Variants in THTPA observed in about 807,000 individuals in gnomAD.
THTPA encodes thiamine-triphosphatase.
A neutral mutation model predicts 16.5 loss-of-function variants in THTPA; 16 were observed. The ratio of observed to expected loss-of-function variants is 0.97; its 90% CI spans 0.66 to 1.47. The LOEUF (loss-of-function observed/expected upper bound fraction) is 1.47. Ranked by LOEUF, THTPA falls within the 40% of genes most tolerant of loss-of-function variation. THTPA has a pLI of 0.00. For synonymous variants in THTPA, 110 were observed against 115.5 expected (o/e 0.95, Z 0.30); for missense variants, 281 against 280.9 (o/e 1.00, Z 0.00).
chr14:23,533,556 A>G, the THTPA span: 7 of 1,536,286 alleles, frequency 4.6e-6, no homozygotes, highest in African/African-American at 2.7e-5. This position sits in a 1 kb window ranked among gnomAD's most constrained non-coding sequence, Gnocchi z 4.8. Flanking sequence ...TGTGCTTCTC[A>G]GAGGTCATAT....
chr14:23,534,943 A>G, the THTPA span: 1 of 1,536,176 alleles, frequency 6.5e-7, no homozygotes, highest in Non-Finnish European at 8.7e-7. The surrounding 1 kb of genome is among the most constrained non-coding windows in gnomAD (Gnocchi z 4.5). Context: ...TGGCAGGGAC[A>G]GCTTGGCCAC....
chr14:23,525,681 C>G, the THTPA span: 1 of 1,532,190 alleles, frequency 6.5e-7, no homozygotes, highest in Admixed American at 2.0e-5. The surrounding 1 kb of genome is among the most constrained non-coding windows in gnomAD (Gnocchi z 5.9). Flanking sequence ...GGCCCTGCCT[C>G]ATTACCCTCT....
At chr14:23,522,238 C>T in the THTPA span, 1 of 1,479,444 alleles carries the variant, frequency 6.8e-7, no homozygotes, top group East Asian at 2.5e-5. Flanking sequence ...GCATGGAGCC[C>T]CCAGAGCCCC....
chr14:23,516,869 G>A, the THTPA span, among the ~76,000 whole-genome samples: 2 of 152,220 alleles, frequency 1.3e-5, no homozygotes, highest in African/African-American at 4.8e-5. Flanking sequence ...TGGTATCAGG[G>A]AGGACTTGTA....
the THTPA span, among the ~76,000 whole-genome samples, chr14:23,549,410 G>T: frequency 6.6e-6 from 1 of 152,072 alleles, no homozygotes; most frequent in South Asian, 2.1e-4. Flanking sequence ...CCTGAGGTTT[G>T]GAAAAACAAT....
chr14:23,533,360 T>C, the THTPA span: 1 of 1,444,428 alleles, frequency 6.9e-7, no homozygotes, highest in Non-Finnish European at 9.1e-7. The surrounding 1 kb of genome is among the most constrained non-coding windows in gnomAD (Gnocchi z 4.8). Flanking sequence ...TCCAGGGGCT[T>C]GTCTGGCCTC....
chr14:23,537,129 G>A, the THTPA span, among the ~76,000 whole-genome samples: 288 of 152,176 alleles, frequency 1.9e-3, no homozygotes, highest in African/African-American at 6.6e-3. Flanking sequence ...ACTTCAGCCT[G>A]GGCAACAAGA....
chr14:23,556,441 AG>A lies in THTPA; in HGVS notation c.-311del. ...CCTCCTGGGGTGGCAAGGTGTAGAG[AG>A]GGGGGCGTTGAAAGGACACCCGCTA... On this transcript the variant is annotated 5_prime_UTR_variant, in exon 1 of 2. Transcript: ENST00000288014. 1 of 310,514 alleles carries A rather than the reference AG, an allele frequency of 3.2e-6. No individual in the cohort carries two copies. The highest frequency in any genetic ancestry group is 6.0e-6 in the Non-Finnish European group (1 of 167,902). 19.2% of individuals were successfully genotyped at this position (310,514 alleles called of 1,614,324 possible). A position where few individuals can be genotyped will look rare whatever the true frequency, so the allele number is the denominator to read the frequency against.
the THTPA span, among the ~76,000 whole-genome samples, chr14:23,516,303 G>A: frequency 6.6e-6 from 1 of 152,218 alleles, no homozygotes; most frequent in African/African-American, 2.4e-5. Flanking sequence ...GGTTTCCCTT[G>A]CCTTTTGCAT....
chr14:23,558,599 G>A (rs1882850042), intron 1 of THTPA, 96 bp from the exon 2 acceptor site: 1 of 1,516,082 alleles, frequency 6.6e-7, no homozygotes, highest in Non-Finnish European at 9.0e-7. Context: ...TGTGGCTTTG[G>A]AAACATCCAC....
the THTPA span, chr14:23,532,396 C>G: frequency 1.2e-5 from 9 of 777,058 alleles, no homozygotes; most frequent in Non-Finnish European, 1.7e-5. Flanking sequence ...TGGTCTCTTT[C>G]TCCATGTCTG....
the THTPA span, among the ~76,000 whole-genome samples, chr14:23,527,967 C>T: frequency 6.9e-6 from 1 of 144,348 alleles, no homozygotes; most frequent in African/African-American, 2.6e-5. Flanking sequence ...AGTGCAGTGA[C>T]GTGATCTCGG....
chr14:23,544,283 G>GAAAAAAA, the THTPA span: 12 of 71,378 alleles, frequency 1.7e-4, no homozygotes, highest in Admixed American at 1.7e-4. Context: ...ACAGAAAACA[G>GAAAAAAA]AAAAAAAAAA....
chr14:23,556,979 A>T lies in THTPA; in HGVS notation c.222A>T (p.Gly74=), dbSNP rs1383956025. The change falls in exon 1 of 2, where the codon GGA becomes GGT. Residue 74 remains glycine, a synonymous_variant. Transcript: ENST00000288014. ...LKCPGAAGVL[G]PHTEYKELTA... is the part of the protein sequence containing the mutation. ...GTCCTGGAGCAGCAGGTGTCTTAGG[A>T]CCCCACACGGAGTATAAGGAACTCA... 2 of 1,613,842 alleles carry T rather than the reference A, an allele frequency of 1.2e-6. No individual in the cohort carries two copies. The highest frequency in any genetic ancestry group is 1.7e-6 in the Non-Finnish European group (2 of 1,179,992).
chr14:23,520,202 C>T, the THTPA span, among the ~76,000 whole-genome samples: 35 of 152,274 alleles, frequency 2.3e-4, no homozygotes, highest in Admixed American at 6.5e-4. This position sits in a 1 kb window ranked among gnomAD's most constrained non-coding sequence, Gnocchi z 8.7. Flanking sequence ...CCCCTCAATT[C>T]GTGTCAGCTC....
the THTPA span, chr14:23,525,736 C>T: frequency 6.6e-7 from 1 of 1,513,778 alleles, no homozygotes; most frequent in Non-Finnish European, 8.8e-7. The surrounding 1 kb of genome is among the most constrained non-coding windows in gnomAD (Gnocchi z 5.9). Context: ...CCAGCTCAGC[C>T]TTGGGAGGTT....
the THTPA span, among the ~76,000 whole-genome samples, chr14:23,546,598 C>T: frequency 1.3e-5 from 2 of 152,120 alleles, no homozygotes; most frequent in Non-Finnish European, 2.9e-5. This position sits in a 1 kb window ranked among gnomAD's most constrained non-coding sequence, Gnocchi z 4.7. Context: ...AATCTTTCAC[C>T]CCTGCCTTGC....
At position 23,556,728 on chromosome 14, in the gene THTPA, CAA is replaced by C; in HGVS notation, c.-28_-27del. 6.3e-7 allele frequency: 1 copy of C among 1,596,866 alleles called. No homozygotes were observed. Among genetic ancestry groups the C allele is most frequent in the East Asian group, 2.2e-5 (1 of 44,684 alleles). On this transcript the variant is annotated 5_prime_UTR_variant, in exon 1 of 2. Coordinates refer to ENST00000288014, the MANE Select transcript of THTPA (RefSeq NM_024328.6). ...AGGCTTTGCATCCTTGGGAACTCAG[CAA>C]ACGTTTGTTCAGCCAATTGCAGGTA...
chr14:23,528,510 T>C, the THTPA span: 1 of 778,152 alleles, frequency 1.3e-6, no homozygotes, highest in Non-Finnish European at 1.6e-6. Flanking sequence ...ACCTATCCTA[T>C]CCTGTCGTGT....
Sources: allele counts gnomAD v4.1 joint callset (sites outside exome capture counted in the v4.1 genomes callset), GRCh38; gene constraint gnomAD v4.1.1; non-coding constraint Gnocchi (gnomAD v3.1); transcripts MANE v1.5; gene names NCBI Gene and HGNC (gene_info 2026-07-23, HGNC 2026-07-21).